The following MAGI3 variants were observed in gnomAD, a reference collection of about 807,000 sequenced individuals.
MAGI3 encodes membrane-associated guanylate kinase, WW and PDZ domain-containing protein 3.
MAGI3 carries 43 observed loss-of-function variants against 121.8 expected under a neutral mutation model. That is an observed-to-expected ratio of 0.35 (90% CI 0.28 to 0.46). MAGI3 has a LOEUF of 0.46. MAGI3 is among the 20% of genes least tolerant of loss of function. MAGI3 has a pLI of 1.00. For missense variants in MAGI3, 1,547 were observed against 1,797.3 expected (o/e 0.86, Z 2.52); for synonymous variants, 553 against 639.3 (o/e 0.86, Z 2.04).
At chr1:113,672,854 T>C (rs1043856949) in intron 18 of MAGI3, 113 bp downstream of exon 18, 2 of 1,344,132 alleles carry the variant, frequency 1.5e-6, no homozygotes, top group Non-Finnish European at 2.0e-6. Flanking sequence ...AAACTAATAA[T>C]TCTCGAAGAC....
intron 6 of MAGI3, among the ~76,000 whole-genome samples, chr1:113,605,091 G>T (rs184355447): frequency 6.6e-6 from 1 of 151,880 alleles, no homozygotes; most frequent in East Asian, 1.9e-4. Context: ...TGTGAGTGGG[G>T]ACACAAAATT....
intron 6 of MAGI3, among the ~76,000 whole-genome samples, chr1:113,608,114 G>A (rs900283758): frequency 1.3e-5 from 2 of 152,024 alleles, no homozygotes; most frequent in African/African-American, 4.8e-5. Context: ...CTCTCTTGTA[G>A]CAGTTATATT....
At chr1:113,633,712 T>G (rs1182834616) in intron 9 of MAGI3, among the ~76,000 whole-genome samples, 17 of 152,190 alleles carry the variant, frequency 1.1e-4, no homozygotes, top group East Asian at 3.9e-4. Context: ...GCATGTGTCT[T>G]TATAGCAGCA....
At chr1:113,643,825 G>C in intron 11 of MAGI3, 51 bp downstream of exon 11, 1 of 1,536,666 alleles carries the variant, frequency 6.5e-7, no homozygotes, top group Non-Finnish European at 9.0e-7. Context: ...TGAGAGAGAT[G>C]CCACATTCCC....
chr1:113,668,671 T>C (rs888505971), intron 16 of MAGI3, among the ~76,000 whole-genome samples: 35 of 145,134 alleles, frequency 2.4e-4, no homozygotes, highest in South Asian at 6.7e-4. Context: ...CAAGCTCCGC[T>C]TCCCGGGTTC....
In MAGI3 at chr1:113,622,829, A is replaced by G. The variant is rs1244683971; in HGVS notation, c.1195A>G (p.Arg399Gly). Reference protein sequence around the residue: ...KPDMEKSHFTRDPSQLKGVLV... With the variant: ...KPDMEKSHFTGDPSQLKGVLV... ...AGATATGGAAAAATCACACTTCACA[A>G]GAGATCCATCCCAGCTTAAAGGTGT... is the stretch of plus-strand genomic sequence containing the variant. Residue 399 changes from arginine to glycine, a missense_variant, in exon 9 of 21, where the codon AGA (arginine) becomes GGA (glycine). Transcript: ENST00000307546. 2.5e-6 allele frequency: 4 copies of G among 1,587,284 alleles called. No individual in the cohort carries two copies. The Admixed American group carries it at 7.6e-5, about 30-fold the overall frequency.
chr1:113,681,013 C>T (rs12758546), intron 19 of MAGI3, among the ~76,000 whole-genome samples, 185 bp from the exon 20 acceptor site: 32,989 of 151,980 alleles, frequency 0.22, 4,475 homozygotes, highest in South Asian at 0.39. Context: ...TGAACATTGC[C>T]ACTTCCTGTT....
chr1:113,407,944 T>C (rs1271894535), intron 1 of MAGI3, among the ~76,000 whole-genome samples: 8 of 152,154 alleles, frequency 5.3e-5, no homozygotes, highest in Admixed American at 4.6e-4. Context: ...TAGGACTTGT[T>C]GGAAAGTACC....
chr1:113,588,631 A>G (rs922854748), intron 4 of MAGI3, among the ~76,000 whole-genome samples: 1 of 152,168 alleles, frequency 6.6e-6, no homozygotes, highest in Non-Finnish European at 1.5e-5. Context: ...CTGGGATACC[A>G]GTTAGGAGGT....
rs1257360418 is a variant in MAGI3, at chr1:113,642,115, G to A, written c.1565G>A (p.Gly522Glu). 1.2e-6 allele frequency: 2 copies of A among 1,614,128 alleles called. No individual in the cohort carries two copies. The highest frequency in any genetic ancestry group is 1.1e-5 in the South Asian group (1 of 91,082). Residue 522 changes from glycine to glutamate, a missense_variant, in exon 10 of 21, where the codon GGA becomes GAA. Physicochemically the swap from Gly to Glu is moderately conservative, Grantham distance 98 (BLOSUM62 -2). Transcript: ENST00000307546. Reference protein sequence around the residue: ...PVINGQSLTKGETCMNPQDFK... With the variant: ...PVINGQSLTKEETCMNPQDFK... ...ATCAATGGACAGTCATTAACCAAGG[G>A]AGAGACTTGCATGAATCCTCAGGAT...
At chr1:113,574,967 C>A (rs151114162) in intron 2 of MAGI3, among the ~76,000 whole-genome samples, 10 of 152,154 alleles carry the variant, frequency 6.6e-5, no homozygotes, top group Non-Finnish European at 1.3e-4. Flanking sequence ...CGTTCTTCCA[C>A]TTGATTGATT....
intron 1 of MAGI3, among the ~76,000 whole-genome samples, chr1:113,511,459 A>G (rs1475940637): frequency 6.6e-6 from 1 of 152,234 alleles, no homozygotes; most frequent in Non-Finnish European, 1.5e-5. Context: ...TTTCTCAGCA[A>G]GGCAATTCAC....
At chr1:113,458,181 G>A (rs982905297) in intron 1 of MAGI3, among the ~76,000 whole-genome samples, 3 of 152,202 alleles carry the variant, frequency 2.0e-5, no homozygotes, top group African/African-American at 7.2e-5. Context: ...GAAGTAGAAA[G>A]ACCAGGTAGG....
chr1:113,545,327 AT>A lies in MAGI3; in HGVS notation c.317-4178del, dbSNP rs137969782. 3.6e-4 allele frequency among the ~76,000 whole-genome samples: 54 copies of A among 149,558 alleles called. No individual in the cohort carries two copies. The East Asian group carries it at 3.9e-3, about 11-fold the overall frequency. On this transcript the variant is annotated intron_variant, in intron 1 of 20. Coordinates refer to ENST00000307546, the MANE Select transcript of MAGI3 (RefSeq NM_001142782.2). ...GAATAAGACATGCCAAAATGACCTC[AT>A]TTTTTTTTTGCTTTATTTTTAGTTG...
chr1:113,633,654 G>T (rs974789048), intron 9 of MAGI3, among the ~76,000 whole-genome samples: 1 of 152,140 alleles, frequency 6.6e-6, no homozygotes, highest in African/African-American at 2.4e-5. Flanking sequence ...ATTTGGGTTG[G>T]TTCCAAGTCT....
At chr1:113,478,992 A>G (rs907971789) in intron 1 of MAGI3, among the ~76,000 whole-genome samples, 5 of 152,220 alleles carry the variant, frequency 3.3e-5, no homozygotes, top group African/African-American at 1.2e-4. Context: ...GCAGTCTCTC[A>G]GATCAATCTC....
At chr1:113,616,753 C>T (rs961730646) in intron 7 of MAGI3, among the ~76,000 whole-genome samples, 1 of 151,812 alleles carries the variant, frequency 6.6e-6, no homozygotes. Context: ...TATAATTATA[C>T]ACATTTTGGG....
At chr1:113,604,237 A>C (rs754791773) in intron 6 of MAGI3, among the ~76,000 whole-genome samples, 33 of 152,192 alleles carry the variant, frequency 2.2e-4, no homozygotes, top group African/African-American at 7.7e-4. Context: ...CAACTTAGGA[A>C]CCAACCTAAG....
intron 8 of MAGI3, among the ~76,000 whole-genome samples, chr1:113,620,404 C>T (rs181276950): frequency 2.0e-5 from 3 of 152,210 alleles, no homozygotes; most frequent in Admixed American, 1.3e-4. Context: ...TTACATTCTA[C>T]TTATCCCTCC....
Sources: allele counts gnomAD v4.1 joint callset (sites outside exome capture counted in the v4.1 genomes callset), GRCh38; gene constraint gnomAD v4.1.1; transcripts MANE v1.5; gene names NCBI Gene and HGNC (gene_info 2026-07-23, HGNC 2026-07-21).